AOPEP: variants seen among roughly 807,000 people sequenced by gnomAD.
AOPEP encodes the protein aminopeptidase O.
A neutral mutation model predicts 98.1 loss-of-function variants in AOPEP; 77 were observed. The observed-to-expected ratio is 0.78, with a 90% confidence interval of 0.65 to 0.95. The LOEUF (loss-of-function observed/expected upper bound fraction) is 0.95, where lower values mean the gene tolerates loss of function less well. Among genes scored for constraint, AOPEP ranks in the 40% least tolerant of loss-of-function variants. The probability of loss-of-function intolerance (pLI) is 0.00; values close to 1 mark genes in which losing one functional copy is unlikely to be tolerated. For synonymous variants in AOPEP, 346 were observed against 365.3 expected (o/e 0.95, Z 0.60); for missense variants, 1,024 against 1,024.7 (o/e 1.00, Z 0.01).
the AOPEP span, among the ~76,000 whole-genome samples, chr9:95,142,705 G>A: frequency 6.6e-6 from 1 of 152,144 alleles, no homozygotes; most frequent in Admixed American, 6.6e-5. Context: ...ACTCTCAGAA[G>A]TGGCATGGTC....
intron 9 of AOPEP, among the ~76,000 whole-genome samples, chr9:94,960,327 C>G (rs2058730616): frequency 6.6e-6 from 1 of 151,618 alleles, no homozygotes; most frequent in African/African-American, 2.4e-5. Context: ...AGGAGAATAG[C>G]TTGAACCCAG....
intron 1 of AOPEP, among the ~76,000 whole-genome samples, chr9:94,729,268 G>A (rs1165321583): frequency 2.6e-5 from 4 of 152,146 alleles, no homozygotes; most frequent in Admixed American, 2.6e-4. Context: ...AATGAACTAT[G>A]TTATTCTAAA....
At chr9:94,963,908 A>AT (rs1479257526) in intron 9 of AOPEP, among the ~76,000 whole-genome samples, 5 of 152,340 alleles carry the variant, frequency 3.3e-5, no homozygotes, top group African/African-American at 1.2e-4. Context: ...AGCTTCTGTC[A>AT]TAAGTCCACT....
intron 1 of AOPEP, among the ~76,000 whole-genome samples, chr9:94,754,622 A>G (rs554229692): frequency 6.6e-6 from 1 of 152,338 alleles, no homozygotes; most frequent in South Asian, 2.1e-4. Context: ...CATTGAAATC[A>G]CAAATACCTT....
At chr9:94,844,876 G>A (rs2042671643) in intron 5 of AOPEP, among the ~76,000 whole-genome samples, 1 of 152,130 alleles carries the variant, frequency 6.6e-6, no homozygotes, top group South Asian at 2.1e-4. Flanking sequence ...GTACCTGTGA[G>A]GCCAGGGTAC....
rs960335746 is a variant in AOPEP, at chr9:94,924,134, G to A, written c.1513G>A (p.Ala505Thr). The A allele has an allele frequency of 1.2e-5, 18 of 1,488,412 alleles. 1 individual carries two copies. The South Asian group carries it at 1.7e-4, about 14-fold the overall frequency. 92.2% of individuals were successfully genotyped at this position (1,488,412 alleles called of 1,614,324 possible). A position where few individuals can be genotyped will look rare whatever the true frequency, so the allele number is the denominator to read the frequency against. ...GGAGGAGTGGCTGAGTGAAGGCTTC[G>A]CCACTCACTTGGAGGATGTGTTTTG... Reference protein sequence around the residue: ...WTEEWLSEGFATHLEDVFWAT... With the variant: ...WTEEWLSEGFTTHLEDVFWAT... Residue 505 changes from alanine to threonine, a missense_variant, in exon 6 of 17, where the codon GCC (alanine) becomes ACC (threonine). Physicochemically the swap from Ala to Thr is moderately conservative, Grantham distance 58. Coordinates refer to ENST00000375315, the MANE Select transcript of AOPEP (RefSeq NM_001193329.3).
At chr9:94,750,702 C>T (rs1835508982) in intron 1 of AOPEP, among the ~76,000 whole-genome samples, 1 of 151,940 alleles carries the variant, frequency 6.6e-6, no homozygotes, top group Non-Finnish European at 1.5e-5. Context: ...TTATATCCTG[C>T]TGCTCGAGCT....
At chr9:94,734,402 G>A (rs1393897071) in intron 1 of AOPEP, among the ~76,000 whole-genome samples, 1 of 152,130 alleles carries the variant, frequency 6.6e-6, no homozygotes, top group African/African-American at 2.4e-5. Context: ...ATTGGGGGAG[G>A]GATAAGGAAG....
At chr9:94,769,583 G>A (rs1265640555) in intron 2 of AOPEP, among the ~76,000 whole-genome samples, 1 of 152,168 alleles carries the variant, frequency 6.6e-6, no homozygotes, top group Non-Finnish European at 1.5e-5. Flanking sequence ...ATATTAATGG[G>A]GTGTGGCTTT....
chr9:94,734,208 T>G (rs1477013549), intron 1 of AOPEP, among the ~76,000 whole-genome samples: 1 of 151,850 alleles, frequency 6.6e-6, no homozygotes, highest in Non-Finnish European at 1.5e-5. Flanking sequence ...AATCCTAGGG[T>G]GGGGGAGCTT....
At chr9:94,749,719 CA>C (rs35277188) in intron 1 of AOPEP, among the ~76,000 whole-genome samples, 1 of 152,018 alleles carries the variant, frequency 6.6e-6, no homozygotes. Context: ...TTTTCCTTTT[CA>C]AAAAAGTAAT....
At chr9:94,737,302 G>A (rs747524434) in intron 1 of AOPEP, among the ~76,000 whole-genome samples, 2 of 152,012 alleles carry the variant, frequency 1.3e-5, no homozygotes, top group Non-Finnish European at 2.9e-5. Flanking sequence ...AGAGATGGGG[G>A]TCTTGCTATA....
At chr9:94,891,668 T>C (rs918827830) in intron 5 of AOPEP, among the ~76,000 whole-genome samples, 5 of 152,202 alleles carry the variant, frequency 3.3e-5, no homozygotes, top group African/African-American at 9.6e-5. Flanking sequence ...TTCTGAAATA[T>C]ATTTTGTCTT....
chr9:94,808,074 A>C (rs1588316975), intron 5 of AOPEP, among the ~76,000 whole-genome samples: 3 of 140,570 alleles, frequency 2.1e-5, no homozygotes, highest in African/African-American at 5.5e-5. Context: ...ACGGAGTCTC[A>C]CTCTGTTGCC....
At chr9:95,082,322 G>T (rs973926174) in intron 15 of AOPEP, among the ~76,000 whole-genome samples, 1 of 152,246 alleles carries the variant, frequency 6.6e-6, no homozygotes, top group African/African-American at 2.4e-5. Flanking sequence ...TCTGTCACCA[G>T]TGAAATCGTC....
rs1436258281 is a variant in AOPEP at position 94,822,982 on chromosome 9, T to C, written c.1364+21980T>C. Among the ~76,000 whole-genome samples, 6 of 122,128 alleles carry C rather than the reference T, an allele frequency of 4.9e-5. No homozygotes were observed. The East Asian group carries it at 1.3e-3, about 25-fold the overall frequency. The allele number at this position is 122,128 out of a possible 152,430, so 80.1% of individuals were successfully genotyped here. ...CCCTGGTGCCACAATTTCACTCACC[T>C]GTCCCCTAATCTTTTTTTTTTTTTC... is the stretch of plus-strand genomic sequence containing the variant. On this transcript the variant is annotated intron_variant, in intron 5 of 16. Transcript: ENST00000375315.
chr9:95,005,644 G>A (rs1321172286), intron 13 of AOPEP, 28 bp downstream of exon 13: 1 of 1,592,906 alleles, frequency 6.3e-7, no homozygotes, highest in Admixed American at 1.7e-5. Context: ...GGTACTCGGT[G>A]CAGGTCTTGG....
intron 5 of AOPEP, among the ~76,000 whole-genome samples, chr9:94,849,904 G>A (rs527855852): frequency 2.0e-5 from 3 of 152,178 alleles, no homozygotes; most frequent in Admixed American, 6.5e-5. Flanking sequence ...GCGTGGTGGC[G>A]TGAGCCTGTA....
chr9:95,102,872 C>T, the AOPEP span, among the ~76,000 whole-genome samples: 1 of 152,218 alleles, frequency 6.6e-6, no homozygotes, highest in African/African-American at 2.4e-5. Flanking sequence ...CTCTCCTCGG[C>T]CCCCCCTGGC....
Sources: allele counts gnomAD v4.1 joint callset (sites outside exome capture counted in the v4.1 genomes callset), GRCh38; gene constraint gnomAD v4.1.1; transcripts MANE v1.5; gene names NCBI Gene and HGNC (gene_info 2026-07-23, HGNC 2026-07-21).